The following PARD3 variants were observed in gnomAD, a reference collection of about 807,000 sequenced individuals.
The protein encoded by PARD3 is par-3 family cell polarity regulator, also known as partitioning defective 3 homolog.
PARD3 carries 75 observed loss-of-function variants against 155.4 expected under a neutral mutation model. The observed-to-expected ratio is 0.48, with a 90% CI of 0.40 to 0.58. PARD3 has a LOEUF of 0.58. PARD3 is among the 20% of genes least tolerant of loss of function. The probability of loss-of-function intolerance (pLI) is 0.00; values close to 1 mark genes in which losing one functional copy is unlikely to be tolerated. For synonymous variants in PARD3, 576 were observed against 610.5 expected, an observed-to-expected ratio of 0.94 and a Z score of 0.83; for missense variants, 1,642 against 1,721.7, an observed-to-expected ratio of 0.95 and a Z score of 0.82.
chr10:34,453,529 GGAATTTTAAAAGA>G (rs1325086243), intron 4 of PARD3, among the ~76,000 whole-genome samples: 3 of 152,020 alleles, frequency 2.0e-5, no homozygotes, highest in African/African-American at 7.2e-5. Context: ...TCAAAATCCT[GGAATTTTAAAAGA>G]ACATTTTGAT....
At chr10:34,770,133 C>A (rs1473005118) in intron 1 of PARD3, among the ~76,000 whole-genome samples, 1 of 152,138 alleles carries the variant, frequency 6.6e-6, no homozygotes, top group African/African-American at 2.4e-5. Context: ...ACCACATCAC[C>A]CAGCCAAATG....
At chr10:34,567,489 T>A (rs1261324110) in intron 2 of PARD3, among the ~76,000 whole-genome samples, 1 of 152,198 alleles carries the variant, frequency 6.6e-6, no homozygotes, top group East Asian at 1.9e-4. Flanking sequence ...TTTTAAACCT[T>A]AAGAAAAGTT....
At chr10:34,447,368 T>C (rs1363154178) in intron 5 of PARD3, among the ~76,000 whole-genome samples, 1 of 149,752 alleles carries the variant, frequency 6.7e-6, no homozygotes, top group Non-Finnish European at 1.5e-5. Context: ...GTAATCCCAG[T>C]TACTTTGGAG....
At chr10:34,666,648 C>A (rs1486925459) in intron 2 of PARD3, among the ~76,000 whole-genome samples, 1 of 151,518 alleles carries the variant, frequency 6.6e-6, no homozygotes, top group East Asian at 1.9e-4. Flanking sequence ...GCAGGCACAC[C>A]TAACATGGGA....
chr10:34,744,454 C>A (rs550006913), intron 1 of PARD3, among the ~76,000 whole-genome samples: 5 of 152,328 alleles, frequency 3.3e-5, no homozygotes, highest in Non-Finnish European at 5.9e-5. Flanking sequence ...GGAGAGACTG[C>A]CAGCAGCTTT....
At chr10:34,197,801 C>T (rs1241904594) in intron 22 of PARD3, among the ~76,000 whole-genome samples, 1 of 152,234 alleles carries the variant, frequency 6.6e-6, no homozygotes, top group African/African-American at 2.4e-5. Context: ...GCGATCGCAG[C>T]TCACTGCAAC....
At chr10:34,509,005 C>T (rs1008796664) in intron 3 of PARD3, among the ~76,000 whole-genome samples, 3 of 152,160 alleles carry the variant, frequency 2.0e-5, no homozygotes, top group Non-Finnish European at 2.9e-5. Flanking sequence ...ACTAACCTTG[C>T]CCAGTGTCCA....
At chr10:34,507,548 CAAA>C (rs374421524) in intron 3 of PARD3, among the ~76,000 whole-genome samples, 1 of 43,000 alleles carries the variant, frequency 2.3e-5, no homozygotes, top group African/African-American at 1.1e-4. Context: ...ATTAAAAAAA[CAAA>C]AAAAAAAAAA....
At chr10:34,751,993 T>C (rs1004930758) in intron 1 of PARD3, among the ~76,000 whole-genome samples, 1 of 152,170 alleles carries the variant, frequency 6.6e-6, no homozygotes, top group Non-Finnish European at 1.5e-5. Context: ...TAGGTTTGTA[T>C]AGGCCTGCCC....
chr10:34,264,094 G>T (rs1302832749), intron 22 of PARD3, among the ~76,000 whole-genome samples: 2 of 152,142 alleles, frequency 1.3e-5, no homozygotes, highest in Admixed American at 1.3e-4. Flanking sequence ...TAGTGCAAAG[G>T]TGCTAACTAT....
At chr10:34,469,677 A>G (rs2078228833) in intron 4 of PARD3, among the ~76,000 whole-genome samples, 1 of 152,218 alleles carries the variant, frequency 6.6e-6, no homozygotes, top group African/African-American at 2.4e-5. Context: ...ATATTTGCTT[A>G]TAAATGTGTC....
At chr10:34,709,177 A>T (rs2133609719) in intron 1 of PARD3, among the ~76,000 whole-genome samples, 1 of 152,076 alleles carries the variant, frequency 6.6e-6, no homozygotes, top group Non-Finnish European at 1.5e-5. Context: ...ACCCAAATTT[A>T]AACAAAAAAA....
At chr10:34,629,783 T>A (rs2092167721) in intron 2 of PARD3, among the ~76,000 whole-genome samples, 1 of 152,200 alleles carries the variant, frequency 6.6e-6, no homozygotes, top group Admixed American at 6.5e-5. Flanking sequence ...GACCCGCAGC[T>A]TTTATTAGGA....
intron 22 of PARD3, among the ~76,000 whole-genome samples, chr10:34,193,474 T>C (rs569838485): frequency 1.2e-4 from 19 of 152,266 alleles, no homozygotes; most frequent in Admixed American, 6.5e-5. Context: ...TTAATAACAA[T>C]GATGAAAAAG....
intron 19 of PARD3, among the ~76,000 whole-genome samples, chr10:34,329,923 TTA>T (rs1835438153): frequency 6.6e-6 from 1 of 152,132 alleles, no homozygotes; most frequent in Non-Finnish European, 1.5e-5. Context: ...TACATATACA[TTA>T]TATGTATATG....
At chr10:34,777,476 C>T (rs1218328463) in intron 1 of PARD3, among the ~76,000 whole-genome samples, 1 of 152,172 alleles carries the variant, frequency 6.6e-6, no homozygotes, top group African/African-American at 2.4e-5. Context: ...GCACAGGGGG[C>T]TCTTAGAGGG....
chr10:34,243,734 C>T (rs1021784478), intron 22 of PARD3, among the ~76,000 whole-genome samples: 7 of 152,062 alleles, frequency 4.6e-5, no homozygotes, highest in Admixed American at 1.3e-4. Flanking sequence ...TGCTTGAACC[C>T]AGGAGGCGGA....
At chr10:34,571,942 C>T (rs1397537586) in intron 2 of PARD3, among the ~76,000 whole-genome samples, 2 of 152,090 alleles carry the variant, frequency 1.3e-5, no homozygotes, top group Non-Finnish European at 2.9e-5. Flanking sequence ...TGGGAGAATA[C>T]AAATATTATT....
At chr10:34,414,233 A>G (rs78136411) in intron 5 of PARD3, among the ~76,000 whole-genome samples, 2 of 151,636 alleles carry the variant, frequency 1.3e-5, no homozygotes, top group African/African-American at 4.8e-5. Flanking sequence ...AAAAAAAAAA[A>G]GGGAGGGGGG....
Sources: allele counts gnomAD v4.1 joint callset (sites outside exome capture counted in the v4.1 genomes callset), GRCh38; gene constraint gnomAD v4.1.1; transcripts MANE v1.5; gene names NCBI Gene and HGNC (gene_info 2026-07-23, HGNC 2026-07-21).